The following TGM4 variants were observed in gnomAD, a reference collection of about 807,000 sequenced individuals.
The protein encoded by TGM4 is transglutaminase 4, also known as protein-glutamine gamma-glutamyltransferase 4.
A neutral mutation model predicts 76.3 loss-of-function variants in TGM4; 61 were observed. That is an observed-to-expected ratio of 0.80 (90% confidence interval 0.65 to 0.99). The LOEUF is 0.99. Among genes scored for constraint, TGM4 ranks in the 50% least tolerant of loss-of-function variants. The pLI, the probability that TGM4 is intolerant of heterozygous loss-of-function variation, is 0.00. For synonymous variants in TGM4, 337 were observed against 329.8 expected, an observed-to-expected ratio of 1.02 and a Z score of -0.24; for missense variants, 794 against 843.2, an observed-to-expected ratio of 0.94 and a Z score of 0.72.
At chr3:44,879,265 C>CTCTATATATATATA (rs1482970491) in intron 1 of TGM4, among the ~76,000 whole-genome samples, 2 of 92,294 alleles carry the variant, frequency 2.2e-5, no homozygotes, top group African/African-American at 8.8e-5. Flanking sequence ...CTCTCTCTCT[C>CTCTATATATATATA]TATATATATA....
chr3:44,909,860 G>A (rs1043397720), intron 10 of TGM4, among the ~76,000 whole-genome samples: 2 of 152,210 alleles, frequency 1.3e-5, no homozygotes, highest in African/African-American at 2.4e-5. Context: ...CTTTTATGGA[G>A]AAGCAGATTT....
intron 8 of TGM4, among the ~76,000 whole-genome samples, chr3:44,902,686 G>T (rs112912840): frequency 6.6e-6 from 1 of 152,176 alleles, no homozygotes; most frequent in African/African-American, 2.4e-5. Context: ...AGGGCCAGGA[G>T]TCTGAAGTTC....
At chr3:44,911,895 T>C (rs544489266) in intron 13 of TGM4, among the ~76,000 whole-genome samples, 2 of 152,250 alleles carry the variant, frequency 1.3e-5, no homozygotes, top group South Asian at 4.1e-4. Flanking sequence ...TGACACGATC[T>C]TGGCTCACTG....
intron 11 of TGM4, 138 bp downstream of exon 11, chr3:44,910,506 C>A: frequency 8.7e-7 from 1 of 1,148,460 alleles, no homozygotes; most frequent in Non-Finnish European, 1.2e-6. Context: ...TATTGAGCAC[C>A]TACCCCTTGG....
chr3:44,906,863 A>T (rs1699927974), intron 9 of TGM4, 86 bp from the exon 10 acceptor site: 2 of 1,565,336 alleles, frequency 1.3e-6, no homozygotes, highest in Middle Eastern at 4.6e-4. Flanking sequence ...GTCCTGTTTG[A>T]GTTTGGGAAT....
At chr3:44,899,847 G>A (rs1193605945) in intron 6 of TGM4, among the ~76,000 whole-genome samples, 1 of 152,244 alleles carries the variant, frequency 6.6e-6, no homozygotes, top group Non-Finnish European at 1.5e-5. Context: ...TCAGGTCAGG[G>A]CAGCTCATAG....
chr3:44,910,104 A>G lies in TGM4; in HGVS notation c.1342A>G (p.Arg448Gly). 1 of 1,613,988 alleles carries G rather than the reference A, an allele frequency of 6.2e-7. No homozygotes were observed. The highest frequency in any genetic ancestry group is 8.5e-7 in the Non-Finnish European group (1 of 1,179,944). ...GTCTCTTTCAGGCTCCTCTGAGGAG[A>G]GGCAGGTCATGGATCATGCCTTCCT... ...YKYPEGSSEE[R>G]QVMDHAFLLL... Residue 448 changes from arginine (R) to glycine (G), a missense_variant, in exon 11 of 14, where the codon AGG becomes GGG. Arg to Gly is a moderately radical substitution (Grantham distance 125, BLOSUM62 -2). Coordinates refer to ENST00000296125, the MANE Select transcript of TGM4 (RefSeq NM_003241.4).
intron 10 of TGM4, among the ~76,000 whole-genome samples, chr3:44,907,847 T>C (rs1464296): frequency 0.5 from 76,660 of 152,034 alleles, 19,928 homozygotes; most frequent in East Asian, 0.88. Context: ...CCATTGGCTG[T>C]GGTTCCTGTA....
At chr3:44,879,237 G>GTC (rs377695202) in intron 1 of TGM4, among the ~76,000 whole-genome samples, 1,246 of 118,004 alleles carry the variant, frequency 0.011, 6 homozygotes, top group African/African-American at 0.021. Context: ...CTATTTTATG[G>GTC]TCTCTCTCTC....
intron 1 of TGM4, among the ~76,000 whole-genome samples, chr3:44,879,633 C>T (rs1007464085): frequency 1.2e-4 from 18 of 151,712 alleles, no homozygotes; most frequent in African/African-American, 3.4e-4. Flanking sequence ...CCACCACATC[C>T]GGCTAATTTT....
chr3:44,898,280 C>CAAA (rs35054781), intron 6 of TGM4, among the ~76,000 whole-genome samples: 1 of 98,788 alleles, frequency 1.0e-5, no homozygotes, highest in African/African-American at 3.7e-5. Context: ...GACTCTGTCT[C>CAAA]AAAAAAAAAA....
chr3:44,904,023 C>T, intron 9 of TGM4, 36 bp downstream of exon 9: 1 of 1,567,864 alleles, frequency 6.4e-7, no homozygotes. Flanking sequence ...GGCATCCATG[C>T]TGCTCTCCTT....
intron 1 of TGM4, among the ~76,000 whole-genome samples, chr3:44,882,056 G>GAT (rs1699540143): frequency 5.9e-5 from 4 of 67,636 alleles, no homozygotes; most frequent in African/African-American, 2.0e-4. Context: ...AAATACAAAC[G>GAT]CTTTTTTTTT....
rs760123590 is a variant in TGM4, at chr3:44,910,369, G to T, written c.1606+1G>T. 6.2e-7 allele frequency: 1 copy of T among 1,612,624 alleles called. No individual in the cohort carries two copies. Among genetic ancestry groups the T allele is most frequent in the Non-Finnish European group, 8.5e-7 (1 of 1,178,920 alleles). ...AAGACCTCGCAGATCCAAGGTCAAG[G>T]TACCAGAACCAGAGGGAGGAGAGGC... On this transcript the variant is annotated splice_donor_variant, in intron 11 of 13. Transcript: ENST00000296125. LOFTEE classifies it high-confidence loss of function.
At chr3:44,875,794 T>C (rs972277982) in intron 1 of TGM4, among the ~76,000 whole-genome samples, 3 of 152,182 alleles carry the variant, frequency 2.0e-5, no homozygotes, top group Admixed American at 6.5e-5. Context: ...GAGGGTGACA[T>C]TGCGAAATAA....
At chr3:44,890,200 C>T (rs2011446) in intron 3 of TGM4, 52,004 of 166,236 alleles carry the variant, frequency 0.31, 9,618 homozygotes, top group East Asian at 0.82. Flanking sequence ...GATTACAATA[C>T]GAGACGAGAT....
intron 1 of TGM4, among the ~76,000 whole-genome samples, chr3:44,883,762 A>C (rs1251522114): frequency 6.6e-6 from 1 of 152,224 alleles, no homozygotes; most frequent in Non-Finnish European, 1.5e-5. Flanking sequence ...CACTCCAGCA[A>C]GAATGAGCTG....
intron 9 of TGM4, among the ~76,000 whole-genome samples, chr3:44,906,058 A>G (rs1233895793): frequency 6.6e-6 from 1 of 152,196 alleles, no homozygotes; most frequent in Non-Finnish European, 1.5e-5. Flanking sequence ...ATAAGGCCAG[A>G]GAGGGAGGGT....
At chr3:44,897,152 A>C (rs182249178) in intron 6 of TGM4, among the ~76,000 whole-genome samples, 1 of 151,824 alleles carries the variant, frequency 6.6e-6, no homozygotes, top group African/African-American at 2.4e-5. Context: ...TTACAGGCAC[A>C]TGCCACCACG....
Sources: gnomAD v4.1 joint callset for allele counts (sites outside exome capture counted in the v4.1 genomes callset) on GRCh38, gnomAD v4.1.1 for gene constraint, MANE v1.5 for transcripts, NCBI Gene and HGNC (gene_info 2026-07-23, HGNC 2026-07-21) for gene names.